Variants in TAF5L observed in about 807,000 individuals in gnomAD.
TAF5L encodes TAF5-like RNA polymerase II p300/CBP-associated factor-associated factor 65 kDa subunit 5L.
Under a neutral mutation model 51.3 loss-of-function variants are expected in TAF5L, and 7 were observed. That is an observed-to-expected ratio of 0.14 (90% CI 0.08 to 0.26). The LOEUF (loss-of-function observed/expected upper bound fraction) is 0.26. TAF5L is among the 10% of genes least tolerant of loss of function. TAF5L has a pLI of 1.00. For synonymous variants in TAF5L, 291 were observed against 308.1 expected (o/e 0.94, Z 0.58); for missense variants, 575 against 758.9 (o/e 0.76, Z 2.85).
At chr1:229,622,711 T>A (rs1055226428) in intron 1 of TAF5L, among the ~76,000 whole-genome samples, 2 of 152,142 alleles carry the variant, frequency 1.3e-5, no homozygotes, top group African/African-American at 4.8e-5. Context: ...AGCTCAAAGA[T>A]CTTCCTGAGT....
chr1:229,607,629 A>G lies in TAF5L; in HGVS notation c.247+2477T>C, dbSNP rs1020782299. On this transcript the variant is annotated intron_variant, in intron 3 of 4. Coordinates refer to ENST00000258281, the Ensembl canonical transcript of TAF5L. The stretch of plus-strand genomic sequence containing the variant: ...AAATCACTTTCTCCTTTCATTCTGA[A>G]TGCAATTCCTATATGATTCAGCAAT... 5.8e-5 allele frequency: 14 copies of G among 240,388 alleles called. No individual in the cohort carries two copies. The East Asian group carries it at 2.5e-3, about 43-fold the overall frequency. The allele number at this position is 240,388 out of a possible 1,614,324, so 14.9% of individuals were successfully genotyped here.
chr1:229,602,198 C>T lies in TAF5L; in HGVS notation c.969G>A (p.Glu323=). The T allele has an allele frequency of 1.9e-6, 3 of 1,611,286 alleles. No individual in the cohort carries two copies. The highest frequency in any genetic ancestry group is 2.5e-6 in the Non-Finnish European group (3 of 1,177,920). The change falls in exon 4 of 5, where the codon GAG becomes GAA. Residue 323 remains glutamate, a synonymous_variant. Transcript: ENST00000258281. This position sits in a 1 kb window ranked among gnomAD's most constrained non-coding sequence, Gnocchi z 4.6. ...AAGAAAAAAATGGTATTCATACCTC[C>T]TCCTCCAGAATATCACAAGCCAAAT...
At chr1:229,619,621 C>T (rs560465800) in intron 1 of TAF5L, among the ~76,000 whole-genome samples, 12 of 152,250 alleles carry the variant, frequency 7.9e-5, no homozygotes, top group South Asian at 4.2e-4. Flanking sequence ...CTTCCACCTA[C>T]GCTATTCTAA....
intron 3 of TAF5L, among the ~76,000 whole-genome samples, chr1:229,609,368 A>G (rs1187105812): frequency 6.6e-6 from 1 of 152,202 alleles, no homozygotes; most frequent in East Asian, 1.9e-4. Flanking sequence ...CAATGGCATA[A>G]TTTTATTGCT....
chr1:229,613,816 T>C (rs1346328195), intron 2 of TAF5L, among the ~76,000 whole-genome samples: 1 of 152,156 alleles, frequency 6.6e-6, no homozygotes, highest in East Asian at 1.9e-4. Context: ...TTTTCTAAAA[T>C]AGAATCGGAT....
intron 1 of TAF5L, among the ~76,000 whole-genome samples, chr1:229,624,314 A>G (rs1004279268): frequency 2.6e-5 from 4 of 152,258 alleles, no homozygotes; most frequent in African/African-American, 9.6e-5. Context: ...AAAATACTCA[A>G]AACAAGCCCA....
Position 229,602,346 on chromosome 1 carries a change from G to A in TAF5L, c.821C>T (p.Ala274Val). ...CAGCTTGCTATCGGGGGAGATTTCT[G>A]CAGTGTTCAACAGCTGCTCTGTGTT... The change falls in exon 4 of 5, where the codon GCA becomes GTA. Residue 274 changes from alanine to valine, a missense_variant. By Grantham distance (64) the Ala-to-Val change is moderately conservative (BLOSUM62 0). This residue lies in a region of TAF5L where 380 missense variants were observed against 443.7 expected (regional missense o/e 0.86). Coordinates refer to ENST00000258281, the Ensembl canonical transcript of TAF5L. This position sits in a 1 kb window ranked among gnomAD's most constrained non-coding sequence, Gnocchi z 4.6. The A allele has an allele frequency of 6.2e-7, 1 of 1,614,152 alleles. No individual in the cohort carries two copies. The highest frequency in any genetic ancestry group is 8.5e-7 in the Non-Finnish European group (1 of 1,180,024).
At chr1:229,619,078 A>T (rs1191069920) in intron 1 of TAF5L, among the ~76,000 whole-genome samples, 1 of 152,096 alleles carries the variant, frequency 6.6e-6, no homozygotes. Context: ...ATTTTTTTGC[A>T]TTTTTTTGTA....
intron 3 of TAF5L, among the ~76,000 whole-genome samples, chr1:229,608,371 A>G (rs1050625670): frequency 6.6e-6 from 1 of 152,210 alleles, no homozygotes; most frequent in African/African-American, 2.4e-5. Flanking sequence ...CATGAAAATT[A>G]AGGCTTTAGT....
chr1:229,594,430 G>A lies in TAF5L; in HGVS notation c.1637C>T (p.Ala546Val). The A allele has an allele frequency of 6.2e-7, 1 of 1,614,194 alleles. No homozygotes were observed. Among genetic ancestry groups the A allele is most frequent in the Non-Finnish European group, 8.5e-7 (1 of 1,180,034 alleles). The change falls in exon 5 of 5, where the codon GCA becomes GTA. Residue 546 changes from alanine to valine, a missense_variant. By Grantham distance (64) the Ala-to-Val change is moderately conservative. Around this residue, in one of 3 missense-constraint regions of TAF5L, gnomAD observed 91 missense variants for 96.9 expected, o/e 0.94. Transcript: ENST00000258281. This position sits in a 1 kb window ranked among gnomAD's most constrained non-coding sequence, Gnocchi z 7.9. Reference sequence around the variant, plus strand: ...CTCGCTGGAGGAGCCGTCGGCAGGTGCACTGCAGTAAGTGTTCCTGATGTC... The same window carrying A: ...CTCGCTGGAGGAGCCGTCGGCAGGTACACTGCAGTAAGTGTTCCTGATGTC...
chr1:229,618,933 T>TG (rs1665104799), intron 1 of TAF5L, among the ~76,000 whole-genome samples: 1 of 152,160 alleles, frequency 6.6e-6, no homozygotes, highest in Admixed American at 6.5e-5. Context: ...AGGGGTGAGT[T>TG]CAAGATAAAT....
chr1:229,597,710 A>G (rs917230140), intron 4 of TAF5L, among the ~76,000 whole-genome samples: 1 of 152,256 alleles, frequency 6.6e-6, no homozygotes, highest in African/African-American at 2.4e-5. Flanking sequence ...TGTAAAGCAT[A>G]TTCATGTAAT....
intron 4 of TAF5L, chr1:229,601,128 A>G: frequency 1.0e-6 from 1 of 985,428 alleles, no homozygotes; most frequent in Non-Finnish European, 1.2e-6. Flanking sequence ...ATCACAAGGA[A>G]ATCCTTCAAT....
chr1:229,600,980 A>C (rs1321470274), intron 4 of TAF5L: 1 of 985,380 alleles, frequency 1.0e-6, no homozygotes, highest in Admixed American at 6.1e-5. Context: ...TTATCAGAAG[A>C]ACTCCCAAAA....
chr1:229,619,019 T>C (rs1479231812), intron 1 of TAF5L, among the ~76,000 whole-genome samples: 1 of 152,242 alleles, frequency 6.6e-6, no homozygotes, highest in South Asian at 2.1e-4. Context: ...TGAGTAATTG[T>C]ATCTTTTTTC....
At chr1:229,608,779 C>T (rs1664687943) in intron 3 of TAF5L, among the ~76,000 whole-genome samples, 1 of 152,070 alleles carries the variant, frequency 6.6e-6, no homozygotes, top group Admixed American at 6.5e-5. Context: ...GATGGGAGGA[C>T]TGCTTGAGGC....
chr1:229,613,325 G>A (rs1276583616), intron 2 of TAF5L, among the ~76,000 whole-genome samples: 1 of 103,544 alleles, frequency 9.7e-6, no homozygotes, highest in Non-Finnish European at 1.8e-5. Flanking sequence ...GAGAGACTCT[G>A]TCTCAAAAAA....
At chr1:229,599,005 T>C (rs1258914004) in intron 4 of TAF5L, among the ~76,000 whole-genome samples, 1 of 152,156 alleles carries the variant, frequency 6.6e-6, no homozygotes, top group Non-Finnish European at 1.5e-5. Context: ...CCAGATATCA[T>C]TTCTATCTCC....
Position 229,625,431 on chromosome 1 carries a change from T to C in TAF5L, c.-4+454A>G, listed in dbSNP as rs931309122. Among the ~76,000 whole-genome samples the C allele has an allele frequency of 6.6e-6, 1 of 152,132 alleles. No homozygotes were observed. Among genetic ancestry groups the C allele is most frequent in the African/African-American group, 2.4e-5 (1 of 41,450 alleles). On this transcript the variant is annotated intron_variant, in intron 1 of 4. Transcript: ENST00000258281. This position sits in a 1 kb window ranked among gnomAD's most constrained non-coding sequence, Gnocchi z 4.0. ...CACACCCACCCACGCACGATCACCA[T>C]GTGCAAAGTTGAATCCCGACTTCGC...
Sources: gnomAD v4.1 joint callset for allele counts (sites outside exome capture counted in the v4.1 genomes callset) on GRCh38, gnomAD v4.1.1 for gene constraint, gnomAD v4.1.1 regional missense constraint, Gnocchi (gnomAD v3.1) non-coding constraint, MANE v1.5 for transcripts, NCBI Gene and HGNC (gene_info 2026-07-23, HGNC 2026-07-21) for gene names.